Variants in SYNDIG1 observed in about 807,000 individuals in gnomAD.
SYNDIG1 encodes synapse differentiation inducing 1, also known as synapse differentiation-inducing gene protein 1.
SYNDIG1 carries 9 observed loss-of-function variants against 19.4 expected under a neutral mutation model. The ratio of observed to expected loss-of-function variants is 0.46; its 90% CI spans 0.28 to 0.81. SYNDIG1 has a LOEUF of 0.81. Ranked by LOEUF, SYNDIG1 falls within the 30% of genes least tolerant of loss-of-function variation. SYNDIG1 has a pLI of 0.12. For synonymous variants in SYNDIG1, 141 were observed against 145.9 expected (o/e 0.97, Z 0.24); for missense variants, 311 against 343.3 (o/e 0.91, Z 0.74).
intron 1 of SYNDIG1, among the ~76,000 whole-genome samples, chr20:24,498,552 T>G (rs2056359261): frequency 6.6e-6 from 1 of 152,182 alleles, no homozygotes; most frequent in Non-Finnish European, 1.5e-5. Context: ...CATTCCACTC[T>G]CTGCTGCTGT....
At position 24,520,790 on chromosome 20, in the gene SYNDIG1, A is replaced by AT. The variant is rs1485670979; in HGVS notation, c.-78-22223dup. Among the ~76,000 whole-genome samples, 30 of 151,886 alleles carry AT rather than the reference A, an allele frequency of 2.0e-4. No individual in the cohort carries two copies. The South Asian group carries it at 2.1e-3, about 11-fold the overall frequency. On this transcript the variant is annotated intron_variant, in intron 1 of 3. Coordinates refer to ENST00000376862, the MANE Select transcript of SYNDIG1 (RefSeq NM_024893.3). Reference sequence around the variant, plus strand: ...TTGTACACCAACATTGTTACTTCTTATTTTTTTGAGAAAAGTCCTTTTTTA... The same window carrying AT: ...TTGTACACCAACATTGTTACTTCTTATTTTTTTTGAGAAAAGTCCTTTTTTA...
intron 3 of SYNDIG1, among the ~76,000 whole-genome samples, chr20:24,618,952 A>G (rs750865705): frequency 1.1e-4 from 17 of 152,164 alleles, no homozygotes; most frequent in Non-Finnish European, 1.8e-4. Context: ...AATATCATCA[A>G]ATAATATAGA....
At chr20:24,646,989 A>G (rs558438135) in intron 3 of SYNDIG1, among the ~76,000 whole-genome samples, 2 of 152,316 alleles carry the variant, frequency 1.3e-5, no homozygotes, top group East Asian at 1.9e-4. Context: ...TTGATAAACT[A>G]TTCAGCCTCA....
At chr20:24,523,908 T>C (rs2057060564) in intron 1 of SYNDIG1, among the ~76,000 whole-genome samples, 1 of 152,214 alleles carries the variant, frequency 6.6e-6, no homozygotes. Context: ...CCAGCTGCCA[T>C]GCAGAGATTG....
chr20:24,533,240 G>A lies in SYNDIG1; in HGVS notation c.-78-9780G>A, dbSNP rs184244480. On this transcript the variant is annotated intron_variant, in intron 1 of 3. Coordinates refer to ENST00000376862, the MANE Select transcript of SYNDIG1 (RefSeq NM_024893.3). ...CTTTTTCTAATTTTTGTTGTAAGAC[G>A]TGTTTGTCCACGTAGGCACATTACC... 7.5e-4 allele frequency among the ~76,000 whole-genome samples: 114 copies of A among 152,148 alleles called. 1 individual carries two copies. The highest frequency in any genetic ancestry group is 2.6e-3 in the African/African-American group (107 of 41,514).
At chr20:24,515,521 A>C (rs957651678) in intron 1 of SYNDIG1, among the ~76,000 whole-genome samples, 4 of 152,084 alleles carry the variant, frequency 2.6e-5, no homozygotes, top group Admixed American at 6.6e-5. Context: ...TGCAAAAATC[A>C]CAAGCATTCT....
intron 2 of SYNDIG1, among the ~76,000 whole-genome samples, chr20:24,567,046 G>A (rs539051935): frequency 1.1e-3 from 171 of 152,272 alleles, no homozygotes; most frequent in African/African-American, 4.1e-3. Context: ...GATCACACCT[G>A]CCCTCTTCTT....
At chr20:24,552,772 A>C (rs1041736018) in intron 2 of SYNDIG1, among the ~76,000 whole-genome samples, 1 of 152,176 alleles carries the variant, frequency 6.6e-6, no homozygotes, top group South Asian at 2.1e-4. Flanking sequence ...ATAAACATAC[A>C]TATGCATGTG....
intron 1 of SYNDIG1, among the ~76,000 whole-genome samples, chr20:24,484,277 G>A (rs1473480558): frequency 6.6e-6 from 1 of 152,180 alleles, no homozygotes; most frequent in Non-Finnish European, 1.5e-5. Context: ...AGCCAGAAGA[G>A]TGGGGGGCCT....
intron 1 of SYNDIG1, among the ~76,000 whole-genome samples, chr20:24,484,096 AAAC>A (rs1395444808): frequency 1.3e-5 from 2 of 152,066 alleles, no homozygotes; most frequent in Non-Finnish European, 2.9e-5. Context: ...CCCACACGAG[AAAC>A]AACAGATGGG....
At chr20:24,540,472 C>T (rs1389737366) in intron 1 of SYNDIG1, among the ~76,000 whole-genome samples, 1 of 152,106 alleles carries the variant, frequency 6.6e-6, no homozygotes, top group Non-Finnish European at 1.5e-5. Context: ...GTTACAGGTG[C>T]TTTCACCATT....
intron 1 of SYNDIG1, chr20:24,491,871 C>T (rs985970680): frequency 2.6e-5 from 4 of 152,346 alleles, no homozygotes; most frequent in Admixed American, 6.5e-5. Context: ...GAGGACCTTC[C>T]ATCAGGAAGC....
chr20:24,594,942 A>G (rs2147093553), intron 3 of SYNDIG1, among the ~76,000 whole-genome samples: 1 of 152,322 alleles, frequency 6.6e-6, no homozygotes, highest in South Asian at 2.1e-4. Context: ...TTCTAAGTAT[A>G]GAATCTTATT....
intron 1 of SYNDIG1, among the ~76,000 whole-genome samples, chr20:24,496,431 T>G (rs77204703): frequency 0.013 from 1,950 of 152,330 alleles, 45 homozygotes; most frequent in African/African-American, 0.045. Flanking sequence ...AGACAAATGT[T>G]TCATTTCTTT....
chr20:24,650,670 C>T (rs1490118289), intron 3 of SYNDIG1, among the ~76,000 whole-genome samples: 1 of 152,200 alleles, frequency 6.6e-6, no homozygotes, highest in Non-Finnish European at 1.5e-5. Flanking sequence ...TTCCAGCGTG[C>T]TCTTGCCAGC....
intron 1 of SYNDIG1, among the ~76,000 whole-genome samples, chr20:24,518,831 G>A (rs138911982): frequency 6.6e-6 from 1 of 152,284 alleles, no homozygotes; most frequent in East Asian, 1.9e-4. Context: ...AGAGAAACCA[G>A]TTTCTGTCTG....
chr20:24,507,621 G>A (rs1465677593), intron 1 of SYNDIG1, among the ~76,000 whole-genome samples: 6 of 152,220 alleles, frequency 3.9e-5, no homozygotes, highest in East Asian at 1.9e-4. Flanking sequence ...TAGTAGGAAG[G>A]TGGCAGCTTC....
At chr20:24,638,604 AC>A (rs1172193572) in intron 3 of SYNDIG1, among the ~76,000 whole-genome samples, 2 of 151,558 alleles carry the variant, frequency 1.3e-5, no homozygotes, top group Admixed American at 1.3e-4. Context: ...CTCAAGAAAT[AC>A]CCCCACTTTG....
At chr20:24,541,682 G>T (rs2057471930) in intron 1 of SYNDIG1, among the ~76,000 whole-genome samples, 1 of 152,240 alleles carries the variant, frequency 6.6e-6, no homozygotes, top group Non-Finnish European at 1.5e-5. Context: ...CCTAGACATA[G>T]CAGAGACTGC....
Sources: gnomAD v4.1 joint callset for allele counts (sites outside exome capture counted in the v4.1 genomes callset) on GRCh38, gnomAD v4.1.1 for gene constraint, MANE v1.5 for transcripts, NCBI Gene and HGNC (gene_info 2026-07-23, HGNC 2026-07-21) for gene names.